Variants in MYO9B observed in about 807,000 individuals in gnomAD.
The protein encoded by MYO9B is unconventional myosin-IXb.
A neutral mutation model predicts 229.5 loss-of-function variants in MYO9B; 71 were observed. The ratio of observed to expected loss-of-function variants is 0.31; its 90% CI spans 0.26 to 0.38. The LOEUF is 0.38. MYO9B is among the 10% of genes least tolerant of loss of function. The pLI is 1.00. For missense variants in MYO9B, 2,255 were observed against 2,920.5 expected (o/e 0.77, Z 5.25); for synonymous variants, 1,185 against 1,235.8 (o/e 0.96, Z 0.86).
At chr19:17,210,287 G>A (rs1244554136) in intron 36 of MYO9B, 46 bp from the exon 37 acceptor site, 2 of 1,533,010 alleles carry the variant, frequency 1.3e-6, no homozygotes, top group South Asian at 1.2e-5. Context: ...TCATGCCTGT[G>A]TCTGTCTTGG....
At chr19:17,208,698 A>G (rs2073191015) in intron 35 of MYO9B, among the ~76,000 whole-genome samples, 1 of 152,146 alleles carries the variant, frequency 6.6e-6, no homozygotes, top group Non-Finnish European at 1.5e-5. Flanking sequence ...CTTCCAGCCT[A>G]AAACAGAACT....
rs1391091557 is a variant in MYO9B, at chr19:17,172,083, G to T, written c.1794-253G>T. On this transcript the variant is annotated intron_variant, in intron 11 of 39. Coordinates refer to ENST00000682292, the MANE Select transcript of MYO9B (RefSeq NM_004145.4). This position sits in a 1 kb window ranked among gnomAD's most constrained non-coding sequence, Gnocchi z 8.2. ...CACCAGCGTGTTCAGCATGAGGCAG[G>T]CAGGCACACCCAGATAGCAGCGTCC... Among the ~76,000 whole-genome samples, 1 of 152,128 alleles carries T rather than the reference G, an allele frequency of 6.6e-6. No individual in the cohort carries two copies. Among genetic ancestry groups the T allele is most frequent in the Admixed American group, 6.5e-5 (1 of 15,274 alleles).
intron 2 of MYO9B, among the ~76,000 whole-genome samples, chr19:17,141,147 C>T (rs902339852): frequency 3.3e-5 from 5 of 151,846 alleles, no homozygotes; most frequent in Admixed American, 6.6e-5. Flanking sequence ...GACATGAAGT[C>T]CATAACAACC....
Position 17,101,545 on chromosome 19 carries a change from G to A in MYO9B, c.-58-115G>A, listed in dbSNP as rs1046361259. 14 of 1,062,680 alleles carry A rather than the reference G, an allele frequency of 1.3e-5. No homozygotes were observed. The highest frequency in any genetic ancestry group is 3.2e-4 in the Middle Eastern group (1 of 3,170). The allele number at this position is 1,062,680 out of a possible 1,614,324, so 65.8% of individuals were successfully genotyped here. ...TCTGGCTTTTTGGGCGAGCCTAGTC[G>A]GGTGGGGAACTCCAGCATCGGGTCA... is the stretch of plus-strand genomic sequence containing the variant. On this transcript the variant is annotated intron_variant, in intron 1 of 39. Transcript: ENST00000682292. This position sits in a 1 kb window ranked among gnomAD's most constrained non-coding sequence, Gnocchi z 4.7.
chr19:17,158,768 A>G (rs1426638213), intron 7 of MYO9B, among the ~76,000 whole-genome samples: 1 of 152,154 alleles, frequency 6.6e-6, no homozygotes, highest in African/African-American at 2.4e-5. Flanking sequence ...CAGCTCCAAT[A>G]GGCAAGGCGG....
intron 1 of MYO9B, among the ~76,000 whole-genome samples, chr19:17,077,502 TC>T (rs2057496742): frequency 6.6e-6 from 1 of 152,100 alleles, no homozygotes; most frequent in Non-Finnish European, 1.5e-5. Context: ...AGGACCGGGA[TC>T]TTCTGATCCC....
Position 17,181,033 on chromosome 19 carries a change from T to C in MYO9B, c.2326T>C (p.Phe776Leu). The C allele has an allele frequency of 6.2e-7, 1 of 1,606,818 alleles. No homozygotes were observed. Among genetic ancestry groups the C allele is most frequent in the Non-Finnish European group, 8.5e-7 (1 of 1,176,190 alleles). Residue 776 changes from phenylalanine (F) to leucine (L), a missense_variant, in exon 15 of 40, where the codon TTC becomes CTC. Transcript: ENST00000682292. ...CAGTCGGCTCCAGAAACCCCGCGCC[T>C]TCATCCTGTGAGTCCCCCACCAAGG... is the stretch of plus-strand genomic sequence containing the variant. ...SLSRLQKPRAFILKSKGIKQK... is the reference protein window; with the variant it reads ...SLSRLQKPRALILKSKGIKQK...
intron 22 of MYO9B, among the ~76,000 whole-genome samples, chr19:17,197,153 T>A (rs571804347): frequency 2.0e-5 from 3 of 152,038 alleles, no homozygotes; most frequent in African/African-American, 7.2e-5. Flanking sequence ...GGCGCATGCC[T>A]CTAATCCCAG....
chr19:17,208,938 T>C (rs62126166), intron 35 of MYO9B, among the ~76,000 whole-genome samples: 31 of 58,158 alleles, frequency 5.3e-4, no homozygotes, highest in South Asian at 7.4e-4. Context: ...GTCCCTCTGG[T>C]ACTGACCACT....
At chr19:17,177,767 T>C (rs890094467) in intron 14 of MYO9B, 2 of 152,494 alleles carry the variant, frequency 1.3e-5, no homozygotes, top group African/African-American at 2.4e-5. Flanking sequence ...CCAAGGAGCA[T>C]GTTAAGTTTA....
Position 17,205,346 on chromosome 19 carries a change from C to A in MYO9B, c.5064+10C>A, listed in dbSNP as rs768142984. 4 of 1,612,340 alleles carry A rather than the reference C, an allele frequency of 2.5e-6. No homozygotes were observed. Among genetic ancestry groups the A allele is most frequent in the Non-Finnish European group, 2.5e-6 (3 of 1,178,730 alleles). On this transcript the variant is annotated intron_variant, in intron 31 of 39. Coordinates refer to ENST00000682292, the MANE Select transcript of MYO9B (RefSeq NM_004145.4). ...CACCTACGGGAGGAAGGTGAGTGTACGAGGCCTGGAACTTTCTACAATGAC... is the reference window on the plus strand; with the variant it reads ...CACCTACGGGAGGAAGGTGAGTGTAAGAGGCCTGGAACTTTCTACAATGAC...
intron 19 of MYO9B, 23 bp from the exon 20 acceptor site, chr19:17,191,074 C>T: frequency 6.2e-7 from 1 of 1,608,902 alleles, no homozygotes; most frequent in East Asian, 2.2e-5. Flanking sequence ...CTAGATTTTC[C>T]TTTCTCCACC....
At chr19:17,181,257 G>A (rs915941277) in intron 15 of MYO9B, among the ~76,000 whole-genome samples, 25 of 152,176 alleles carry the variant, frequency 1.6e-4, no homozygotes, top group Admixed American at 9.8e-4. Flanking sequence ...CCCAGCACAC[G>A]GGGCAGCTTC....
In MYO9B at chr19:17,188,029, C is replaced by T. The variant is rs762309080; in HGVS notation, c.2672C>T (p.Ala891Val). 1.9e-6 allele frequency: 3 copies of T among 1,595,822 alleles called. No homozygotes were observed. Among genetic ancestry groups the T allele is most frequent in the South Asian group, 2.3e-5 (2 of 87,946 alleles). Residue 891 changes from alanine to valine, a missense_variant, in exon 19 of 40, where the codon GCC becomes GTC. Transcript: ENST00000682292. ...TVRIRRSGYSAKYTFQDFTEQ... is the reference protein window; with the variant it reads ...TVRIRRSGYSVKYTFQDFTEQ... ...CGCATCCGGAGGTCAGGGTACAGCG[C>T]CAAGTACACGTTCCAGGTAGGCCAC...
intron 18 of MYO9B, among the ~76,000 whole-genome samples, chr19:17,186,834 C>T (rs765656538): frequency 6.6e-6 from 1 of 152,046 alleles, no homozygotes; most frequent in Non-Finnish European, 1.5e-5. Flanking sequence ...AGGTTCAAGC[C>T]ATCCTCCTGG....
chr19:17,173,041 A>C, intron 13 of MYO9B, 78 bp downstream of exon 13: 1 of 1,482,214 alleles, frequency 6.7e-7, no homozygotes, highest in Non-Finnish European at 9.2e-7. Context: ...TAAAGTGAAC[A>C]CTTCAGTGGC....
chr19:17,174,094 G>A (rs1164620309), intron 13 of MYO9B, among the ~76,000 whole-genome samples: 2 of 137,788 alleles, frequency 1.5e-5, no homozygotes, highest in African/African-American at 2.8e-5. Flanking sequence ...GCAGTGGCGC[G>A]ATCTCGGCTA....
chr19:17,204,201 GAC>G (rs1416526695), intron 30 of MYO9B, among the ~76,000 whole-genome samples: 1 of 152,038 alleles, frequency 6.6e-6, no homozygotes, highest in Non-Finnish European at 1.5e-5. Context: ...CCAGGTGCCA[GAC>G]ACTCTCTTCT....
chr19:17,193,077 G>T lies in MYO9B; in HGVS notation c.3128+15G>T. ...CAGCGCAAGAGGTGAGCAGAGCCGG[G>T]CCACGCTCCTCGGAATATTCCAGAA... On this transcript the variant is annotated intron_variant, in intron 21 of 39. Transcript: ENST00000682292. The surrounding 1 kb of genome is among the most constrained non-coding windows in gnomAD (Gnocchi z 4.3). 3 of 1,434,490 alleles carry T rather than the reference G, an allele frequency of 2.1e-6. No individual in the cohort carries two copies. The highest frequency in any genetic ancestry group is 2.7e-6 in the Non-Finnish European group (3 of 1,095,148). 88.9% of individuals were successfully genotyped at this position (1,434,490 alleles called of 1,614,324 possible).
Sources: gnomAD v4.1 joint callset for allele counts (sites outside exome capture counted in the v4.1 genomes callset) on GRCh38, gnomAD v4.1.1 for gene constraint, Gnocchi (gnomAD v3.1) non-coding constraint, MANE v1.5 for transcripts, NCBI Gene and HGNC (gene_info 2026-07-23, HGNC 2026-07-21) for gene names.